Variants in FTO observed in about 807,000 individuals in gnomAD.
The protein encoded by FTO is alpha-ketoglutarate-dependent dioxygenase FTO.
FTO carries 47 observed loss-of-function variants against 63.9 expected under a neutral mutation model. The ratio of observed to expected loss-of-function variants is 0.74; its 90% CI spans 0.58 to 0.94. The LOEUF is 0.94. Ranked by LOEUF, FTO falls within the 40% of genes least tolerant of loss-of-function variation. FTO has a pLI of 0.00. For missense variants in FTO, 562 were observed against 618.1 expected (o/e 0.91, Z 0.96); for synonymous variants, 207 against 224.4 (o/e 0.92, Z 0.69).
intron 4 of FTO, among the ~76,000 whole-genome samples, chr16:53,862,283 CA>C (rs1289163464): frequency 5.3e-5 from 8 of 152,030 alleles, no homozygotes; most frequent in Non-Finnish European, 7.4e-5. Flanking sequence ...CCACCACCAA[CA>C]ACTCTATGGA....
At chr16:53,872,458 G>A (rs947818444) in intron 4 of FTO, among the ~76,000 whole-genome samples, 4 of 152,150 alleles carry the variant, frequency 2.6e-5, no homozygotes, top group Non-Finnish European at 4.4e-5. Context: ...GAGACTCTGG[G>A]TTTTGACTTC....
At chr16:53,835,948 T>C (rs1263227008) in intron 3 of FTO, among the ~76,000 whole-genome samples, 3 of 149,788 alleles carry the variant, frequency 2.0e-5, no homozygotes, top group Non-Finnish European at 4.4e-5. Context: ...TGGTGTGCAA[T>C]GGCACAATCT....
chr16:54,017,621 T>C (rs1260771208), intron 8 of FTO, among the ~76,000 whole-genome samples: 1 of 152,234 alleles, frequency 6.6e-6, no homozygotes, highest in Non-Finnish European at 1.5e-5. Flanking sequence ...CTTTCGGTGA[T>C]GGCACGTTAG....
At chr16:53,872,013 C>T (rs1050494841) in intron 4 of FTO, among the ~76,000 whole-genome samples, 9 of 152,104 alleles carry the variant, frequency 5.9e-5, no homozygotes, top group African/African-American at 1.9e-4. Flanking sequence ...AGGCATGAGC[C>T]ACTGTGCCTG....
chr16:53,873,561 A>G (rs8048254), intron 4 of FTO, among the ~76,000 whole-genome samples: 9,902 of 150,218 alleles, frequency 0.066, 1,165 homozygotes, highest in African/African-American at 0.23. Context: ...CTACATATAT[A>G]TAATGTCTAC....
intron 8 of FTO, among the ~76,000 whole-genome samples, chr16:53,997,576 G>T (rs878925167): frequency 6.6e-6 from 1 of 151,446 alleles, no homozygotes; most frequent in Admixed American, 6.6e-5. Context: ...GGGGCGGGGC[G>T]GGGTGGGAGT....
intron 1 of FTO, among the ~76,000 whole-genome samples, chr16:53,806,672 C>T (rs1397821189): frequency 1.3e-5 from 2 of 152,126 alleles, no homozygotes; most frequent in East Asian, 3.8e-4. Flanking sequence ...ATAATAATTT[C>T]CATATCATAA....
intron 8 of FTO, chr16:54,008,705 C>A (rs946835974): frequency 6.6e-6 from 1 of 151,540 alleles, no homozygotes; most frequent in South Asian, 2.1e-4. Flanking sequence ...ATTTCTTACC[C>A]ACTCCGGCAT....
intron 4 of FTO, among the ~76,000 whole-genome samples, chr16:53,863,711 G>T (rs1363103135): frequency 6.6e-6 from 1 of 152,220 alleles, no homozygotes; most frequent in East Asian, 1.9e-4. Flanking sequence ...CGCTACAGAG[G>T]CAAGAGCCTT....
chr16:53,986,438 A>G (rs1052003929), intron 8 of FTO, among the ~76,000 whole-genome samples: 16 of 152,296 alleles, frequency 1.1e-4, no homozygotes, highest in African/African-American at 2.6e-4. Context: ...CCAAAGCTGA[A>G]TATCATCCCA....
chr16:53,894,925 G>T (rs1307077990), intron 7 of FTO, among the ~76,000 whole-genome samples: 1 of 152,294 alleles, frequency 6.6e-6, no homozygotes, highest in South Asian at 2.1e-4. Flanking sequence ...TGAAACTGGT[G>T]TGCAGGCACT....
At chr16:53,777,106 A>T (rs147631961) in intron 1 of FTO, among the ~76,000 whole-genome samples, 4 of 152,232 alleles carry the variant, frequency 2.6e-5, no homozygotes, top group African/African-American at 7.2e-5. Flanking sequence ...GCAAATTTGA[A>T]ATATACATTA....
At chr16:54,094,821 G>A (rs2086476384) in intron 8 of FTO, among the ~76,000 whole-genome samples, 1 of 152,156 alleles carries the variant, frequency 6.6e-6, no homozygotes, top group South Asian at 2.1e-4. Flanking sequence ...TAGAAGTTTA[G>A]TCTCATGAGA....
At chr16:53,832,211 T>A (rs2079162416) in intron 3 of FTO, among the ~76,000 whole-genome samples, 1 of 152,164 alleles carries the variant, frequency 6.6e-6, no homozygotes, top group Non-Finnish European at 1.5e-5. Flanking sequence ...CCTGTAAGAA[T>A]GGCTACATTT....
intron 8 of FTO, among the ~76,000 whole-genome samples, chr16:53,954,608 G>A (rs573407367): frequency 6.6e-6 from 1 of 152,236 alleles, no homozygotes; most frequent in East Asian, 1.9e-4. Flanking sequence ...CAGGAAGGGT[G>A]CTGGTGTGGC....
rs116298918 is a variant in FTO, at chr16:53,964,142, A to G, written c.1364+30033A>G. 2.0e-3 allele frequency among the ~76,000 whole-genome samples: 298 copies of G among 152,316 alleles called. 1 individual carries two copies. Among genetic ancestry groups the G allele is most frequent in the African/African-American group, 6.9e-3 (288 of 41,576 alleles). ...GGGTTGAGCTGATATGGTCCTTCCC[A>G]TGTGAATTATAGGCCTTTGTTCAGG... On this transcript the variant is annotated intron_variant, in intron 8 of 8. Coordinates refer to ENST00000471389, the MANE Select transcript of FTO (RefSeq NM_001080432.3).
chr16:53,856,565 C>T (rs576252789), intron 4 of FTO, among the ~76,000 whole-genome samples: 20 of 152,162 alleles, frequency 1.3e-4, no homozygotes, highest in African/African-American at 3.9e-4. Flanking sequence ...GCCTGGGCAA[C>T]ATGGTGAAAG....
intron 7 of FTO, among the ~76,000 whole-genome samples, chr16:53,899,496 C>T (rs1044314409): frequency 6.6e-6 from 1 of 152,088 alleles, no homozygotes; most frequent in African/African-American, 2.4e-5. Flanking sequence ...TAGGGAAGTC[C>T]CTGAGGAGTA....
At chr16:53,887,882 G>A (rs2081042616) in intron 6 of FTO, 1 of 151,960 alleles carries the variant, frequency 6.6e-6, no homozygotes, top group Non-Finnish European at 1.5e-5. Context: ...TATATATATA[G>A]GTTAAGATTA....
Sources: allele counts gnomAD v4.1 joint callset (sites outside exome capture counted in the v4.1 genomes callset), GRCh38; gene constraint gnomAD v4.1.1; transcripts MANE v1.5; gene names NCBI Gene and HGNC (gene_info 2026-07-23, HGNC 2026-07-21).